The following RNF4 variants were observed in gnomAD, a reference collection of about 807,000 sequenced individuals.
RNF4 encodes the protein ring finger protein 4, also known as E3 ubiquitin-protein ligase RNF4.
RNF4 carries 7 observed loss-of-function variants against 24.3 expected under a neutral mutation model. That is an observed-to-expected ratio of 0.29 (90% confidence interval 0.16 to 0.54). The LOEUF is 0.54. RNF4 is among the 20% of genes least tolerant of loss of function. The pLI is 0.95. For synonymous variants in RNF4, 83 were observed against 84.3 expected, an observed-to-expected ratio of 0.98 and a Z score of 0.09; for missense variants, 209 against 248.5, an observed-to-expected ratio of 0.84 and a Z score of 1.07.
chr4:2,491,373 A>C (rs1735574368), intron 2 of RNF4, among the ~76,000 whole-genome samples: 1 of 152,104 alleles, frequency 6.6e-6, no homozygotes, highest in African/African-American at 2.4e-5. Flanking sequence ...CATAGCTGCG[A>C]TTACAGGCAT....
intron 1 of RNF4, among the ~76,000 whole-genome samples, chr4:2,471,503 T>C (rs1014987402): frequency 2.7e-5 from 4 of 148,736 alleles, no homozygotes; most frequent in Non-Finnish European, 6.0e-5. Context: ...GAGCAGTCAG[T>C]TGAATCTCTC....
chr4:2,480,185 A>C (rs763125740), intron 1 of RNF4: 2 of 151,838 alleles, frequency 1.3e-5, no homozygotes, highest in African/African-American at 4.8e-5. Context: ...GGCTCAAGCA[A>C]TCCTGCCTTG....
Position 2,490,448 on chromosome 4 carries a change from A to G in RNF4, c.-46A>G, listed in dbSNP as rs1265216152. 2.5e-6 allele frequency: 4 copies of G among 1,607,428 alleles called. No individual in the cohort carries two copies. In the Admixed American group the frequency reaches 6.7e-5, roughly 27 times the overall value. Reference sequence around the variant, plus strand: ...TTGACTTCCCTGCAAACCTTGGTATAGATCACTTCCTTTTCTGTAGGAAAG... The same window carrying G: ...TTGACTTCCCTGCAAACCTTGGTATGGATCACTTCCTTTTCTGTAGGAAAG... On this transcript the variant is annotated 5_prime_UTR_variant, in exon 2 of 8. In the 5' UTR this introduces an upstream ATG that the reference lacks. Coordinates refer to ENST00000314289, the MANE Select transcript of RNF4 (RefSeq NM_002938.5).
At chr4:2,513,238 A>G (rs1736319425) in intron 7 of RNF4, 107 bp downstream of exon 7, 1 of 1,039,276 alleles carries the variant, frequency 9.6e-7, no homozygotes, top group Non-Finnish European at 1.5e-6. Flanking sequence ...ACCCCTACTC[A>G]CAGTCATGCC....
In RNF4 at chr4:2,476,485, C is replaced by T. The variant is rs531057838; in HGVS notation, c.-158+7227C>T. On this transcript the variant is annotated intron_variant, in intron 1 of 7. Coordinates refer to ENST00000314289, the MANE Select transcript of RNF4 (RefSeq NM_002938.5). ...TCTCAGCACTGCAACCTCTGCCTCC[C>T]GGGTTCAAGCAATTCTCCTGCCTCA... Among the ~76,000 whole-genome samples the T allele has an allele frequency of 1.6e-3, 236 of 152,250 alleles. 3 individuals are homozygous for T. The highest frequency in any genetic ancestry group is 1.0e-3 in the South Asian group (5 of 4,826).
At chr4:2,506,782 G>A (rs1245759355) in intron 4 of RNF4, among the ~76,000 whole-genome samples, 1 of 151,954 alleles carries the variant, frequency 6.6e-6, no homozygotes, top group Non-Finnish European at 1.5e-5. Flanking sequence ...ATTGCCCAGG[G>A]TGGTCTCAAA....
At chr4:2,508,449 G>A (rs1736166886) in intron 4 of RNF4, among the ~76,000 whole-genome samples, 1 of 152,172 alleles carries the variant, frequency 6.6e-6, no homozygotes. Flanking sequence ...TTCTTGAGAT[G>A]TCTGCAGGGA....
rs1560417236 is a variant in RNF4 at position 2,515,822 on chromosome 4, T to G, written c.*2003T>G. The G allele has an allele frequency of 6.6e-6, 1 of 152,668 alleles. No individual in the cohort carries two copies. The highest frequency in any genetic ancestry group is 1.5e-5 in the Non-Finnish European group (1 of 68,046). The allele number at this position is 152,668 out of a possible 1,614,324, so 9.5% of individuals were successfully genotyped here. On this transcript the variant is annotated 3_prime_UTR_variant, in exon 8 of 8. Transcript: ENST00000314289. ...TCTGCTTTGGACTCCTCTGCTAGTG[T>G]TACAGATGGAAATAAAACCATTAAT...
rs373740598 is a variant in RNF4 at position 2,512,450 on chromosome 4, C to G, written c.227C>G (p.Pro76Arg). Residue 76 changes from proline (P) to arginine (R), a missense_variant, in exon 6 of 8, where the codon CCA (proline) becomes CGA (arginine). Physicochemically the swap from Pro to Arg is moderately radical, Grantham distance 103. Around this residue, in one of 3 missense-constraint regions of RNF4, gnomAD observed 182 missense variants for 197.2 expected, o/e 0.92. Transcript: ENST00000314289. This position sits in a 1 kb window ranked among gnomAD's most constrained non-coding sequence, Gnocchi z 4.1. The stretch of plus-strand genomic sequence containing the variant: ...CCTCTTACCTTAGAAAGAAGAAGAC[C>G]AAGGAGGAATGCTAGGAGGCTGCCC... ...SVVIVDERRR[P>R]RRNARRLPQD... is the part of the protein sequence containing the mutation. 1.2e-6 allele frequency: 2 copies of G among 1,610,988 alleles called. No homozygotes were observed. The highest frequency in any genetic ancestry group is 2.7e-5 in the African/African-American group (2 of 74,888).
rs1736291585 is a variant in RNF4, at chr4:2,512,327, T to TG, written c.215-106dup. ...GCTGAGCATGGCAGCAGTTTGTCTC[T>TG]GGGGGTCCCAGGCAGGGAAGGAAGA... On this transcript the variant is annotated intron_variant, in intron 5 of 7. Transcript: ENST00000314289. The surrounding 1 kb of genome is among the most constrained non-coding windows in gnomAD (Gnocchi z 4.1). The TG allele has an allele frequency of 5.4e-6, 7 of 1,290,128 alleles. No individual in the cohort carries two copies. Among genetic ancestry groups the TG allele is most frequent in the Non-Finnish European group, 7.7e-6 (7 of 914,310 alleles). The allele number at this position is 1,290,128 out of a possible 1,614,324, so 79.9% of individuals were successfully genotyped here.
intron 1 of RNF4, among the ~76,000 whole-genome samples, chr4:2,488,754 A>G (rs375128263): frequency 3.3e-5 from 5 of 152,212 alleles, no homozygotes; most frequent in Non-Finnish European, 5.9e-5. Flanking sequence ...GAGAAGTTCA[A>G]TGCCATGCCC....
intron 1 of RNF4, among the ~76,000 whole-genome samples, chr4:2,489,507 A>C (rs1735516683): frequency 6.6e-6 from 1 of 152,130 alleles, no homozygotes. Context: ...CTTGTTAGAT[A>C]CGTAAATTGG....
chr4:2,489,837 G>A (rs149872348), intron 1 of RNF4: 1 of 152,412 alleles, frequency 6.6e-6, no homozygotes, highest in Non-Finnish European at 1.5e-5. Context: ...CTAGTCCACA[G>A]CCTCCCGATT....
Position 2,490,360 on chromosome 4 carries a change from T to C in RNF4, c.-134T>C. The stretch of plus-strand genomic sequence containing the variant: ...AGGACTTGAAAATACTGGAAATCTG[T>C]CCGGATCCAAATTATTTTGCAAGCC... On this transcript the variant is annotated 5_prime_UTR_variant, in exon 2 of 8. Coordinates refer to ENST00000314289, the MANE Select transcript of RNF4 (RefSeq NM_002938.5). The C allele has an allele frequency of 1.3e-6, 1 of 762,990 alleles. No homozygotes were observed. The highest frequency in any genetic ancestry group is 2.1e-6 in the Non-Finnish European group (1 of 467,480). The allele number at this position is 762,990 out of a possible 1,614,324, so 47.3% of individuals were successfully genotyped here. A position where few individuals can be genotyped will look rare whatever the true frequency, so the allele number is the denominator to read the frequency against.
intron 4 of RNF4, among the ~76,000 whole-genome samples, chr4:2,501,372 G>C (rs1735906344): frequency 6.6e-6 from 1 of 152,174 alleles, no homozygotes; most frequent in Non-Finnish European, 1.5e-5. Context: ...GGGGATGCAG[G>C]CTCCCTGCAT....
chr4:2,496,937 C>T lies in RNF4; in HGVS notation c.10-70C>T, dbSNP rs899733555. Reference sequence around the variant, plus strand: ...TAATGAAGTGAACCATTTCTATTGCCCATTTAGTTCTTCCTGAAACCCTGA... The same window carrying T: ...TAATGAAGTGAACCATTTCTATTGCTCATTTAGTTCTTCCTGAAACCCTGA... On this transcript the variant is annotated intron_variant, in intron 2 of 7. Transcript: ENST00000314289. 7 of 1,109,406 alleles carry T rather than the reference C, an allele frequency of 6.3e-6. No homozygotes were observed. The Admixed American group carries it at 1.2e-4, about 19-fold the overall frequency. 68.7% of individuals were successfully genotyped at this position (1,109,406 alleles called of 1,614,324 possible). A position where few individuals can be genotyped will look rare whatever the true frequency, so the allele number is the denominator to read the frequency against.
At chr4:2,500,574 C>A (rs1055942105) in intron 3 of RNF4, 85 bp from the exon 4 acceptor site, 43 of 1,221,446 alleles carry the variant, frequency 3.5e-5, no homozygotes, top group Admixed American at 1.7e-4. Context: ...AAGCCTATAA[C>A]ATTAGCAGTC....
chr4:2,496,938 C>A, intron 2 of RNF4, 69 bp from the exon 3 acceptor site: 1 of 1,128,304 alleles, frequency 8.9e-7, no homozygotes, highest in Non-Finnish European at 1.3e-6. Flanking sequence ...TTCTATTGCC[C>A]ATTTAGTTCT....
At chr4:2,473,016 G>A (rs1332633846) in intron 1 of RNF4, among the ~76,000 whole-genome samples, 1 of 151,694 alleles carries the variant, frequency 6.6e-6, no homozygotes. Context: ...CTCCAGCCTG[G>A]GCAACAGAGC....
Sources: allele counts gnomAD v4.1 joint callset (sites outside exome capture counted in the v4.1 genomes callset), GRCh38; gene constraint gnomAD v4.1.1; regional missense constraint gnomAD v4.1.1; non-coding constraint Gnocchi (gnomAD v3.1); transcripts MANE v1.5; gene names NCBI Gene and HGNC (gene_info 2026-07-23, HGNC 2026-07-21).